The following ZDHHC9 variants were observed in gnomAD, a reference collection of about 807,000 sequenced individuals.
ZDHHC9 encodes the protein palmitoyltransferase ZDHHC9.
A neutral mutation model predicts 26.6 loss-of-function variants in ZDHHC9; 3 were observed. The observed-to-expected ratio is 0.11, with a 90% CI of 0.05 to 0.29. ZDHHC9 has a LOEUF of 0.29. ZDHHC9 is among the 10% of genes least tolerant of loss of function. ZDHHC9 has a pLI of 1.00. For missense variants in ZDHHC9, 146 were observed against 296.4 expected (o/e 0.49, Z 3.73); for synonymous variants, 111 against 109.4 (o/e 1.01, Z -0.09).
chrX:129,809,118 G>A (rs750256593), intron 10 of ZDHHC9, among the ~76,000 whole-genome samples: 5 of 111,755 alleles, frequency 4.5e-5, no homozygotes, highest in East Asian at 2.8e-4. Flanking sequence ...TGCTAGTGGG[G>A]GTATAAAATG....
chrX:129,827,977 C>T (rs1928058833), intron 4 of ZDHHC9, among the ~76,000 whole-genome samples: 2 of 111,088 alleles, frequency 1.8e-5, no homozygotes, highest in Non-Finnish European at 3.8e-5. Flanking sequence ...CCACCATGCC[C>T]GGCTAATTTT....
At position 129,823,805 on chromosome X, in the gene ZDHHC9, G is replaced by A; in HGVS notation, c.361C>T (p.Arg121Ter). The A allele has an allele frequency of 8.3e-7, 1 of 1,210,505 alleles. No individual in the cohort carries two copies. The highest frequency in any genetic ancestry group is 1.1e-6 in the Non-Finnish European group (1 of 894,918). Residue 121 changes from arginine to a stop codon, truncating the protein, a stop_gained, in exon 5 of 11, where the codon CGA becomes TGA. Coordinates refer to ENST00000357166, the MANE Select transcript of ZDHHC9 (RefSeq NM_016032.4). LOFTEE classifies it high-confidence loss of function. ...AAATTCTTGATACGAGGCGGTGGTC[G>A]CTGGCCCTGGGGCACCGCACCATTG... ...ATNGAVPQGQRPPPRIKNFQI... is the reference protein window; with the variant it reads ...ATNGAVPQGQ
chrX:129,834,210 G>T (rs1334623852), intron 3 of ZDHHC9, among the ~76,000 whole-genome samples: 1 of 111,541 alleles, frequency 9.0e-6, no homozygotes, highest in Non-Finnish European at 1.9e-5. Flanking sequence ...AAACCTGCAG[G>T]CATCTTGATC....
chrX:129,843,637 G>A (rs1448480478), intron 1 of ZDHHC9, 59 bp downstream of exon 1: 3 of 111,781 alleles, frequency 2.7e-5, no homozygotes, highest in African/African-American at 6.5e-5. Flanking sequence ...CGCCGCGGAA[G>A]GGGAGGCAGC....
chrX:129,829,491 T>A (rs1286480314), intron 3 of ZDHHC9, among the ~76,000 whole-genome samples: 2 of 112,053 alleles, frequency 1.8e-5, no homozygotes, highest in Non-Finnish European at 3.8e-5. Context: ...CCTGGATTTC[T>A]AAGCAACACA....
In ZDHHC9 at chrX:129,823,822, G is replaced by A. The variant is rs1413588337; in HGVS notation, c.344C>T (p.Ala115Val). Residue 115 changes from alanine (A) to valine (V), a missense_variant, in exon 5 of 11, where the codon GCG becomes GTG. Coordinates refer to ENST00000357166, the MANE Select transcript of ZDHHC9 (RefSeq NM_016032.4). ...CGGTGGTCGCTGGCCCTGGGGCACC[G>A]CACCATTGGTAGCTTCTGTAAATCA... Reference protein sequence around the residue: ...IEMEIEATNGAVPQGQRPPPR... With the variant: ...IEMEIEATNGVVPQGQRPPPR... 16 of 1,208,555 alleles carry A rather than the reference G, an allele frequency of 1.3e-5. No homozygotes were observed. The highest frequency in any genetic ancestry group is 1.8e-5 in the Non-Finnish European group (16 of 894,832).
At chrX:129,807,969 C>A (rs1477590672) in intron 10 of ZDHHC9, among the ~76,000 whole-genome samples, 1 of 112,298 alleles carries the variant, frequency 8.9e-6, no homozygotes, top group Non-Finnish European at 1.9e-5. Context: ...ATTTCACTTA[C>A]AATAACATGA....
At chrX:129,830,570 A>G (rs749203183) in intron 3 of ZDHHC9, among the ~76,000 whole-genome samples, 1 of 111,751 alleles carries the variant, frequency 8.9e-6, no homozygotes, top group Non-Finnish European at 1.9e-5. Flanking sequence ...GTTATCGCTG[A>G]CCTATTTTTA....
At chrX:129,826,398 T>C (rs1928018077) in intron 4 of ZDHHC9, among the ~76,000 whole-genome samples, 1 of 111,447 alleles carries the variant, frequency 9.0e-6, no homozygotes, top group East Asian at 2.8e-4. Flanking sequence ...AAAAACTTGC[T>C]AACATAAACA....
intron 7 of ZDHHC9, among the ~76,000 whole-genome samples, chrX:129,813,197 G>C (rs747288172): frequency 8.9e-6 from 1 of 111,945 alleles, no homozygotes; most frequent in South Asian, 3.7e-4. Flanking sequence ...AGGAGTTCGA[G>C]AACAGCCTGG....
At chrX:129,817,388 G>A (rs1345383070) in intron 5 of ZDHHC9, among the ~76,000 whole-genome samples, 1 of 110,119 alleles carries the variant, frequency 9.1e-6, no homozygotes, top group East Asian at 2.9e-4. Flanking sequence ...GGAGGCGGAG[G>A]TTGCAGTGAG....
At chrX:129,823,646 T>C (rs200361019) in intron 5 of ZDHHC9, 33 bp downstream of exon 5, 1 of 1,209,250 alleles carries the variant, frequency 8.3e-7, no homozygotes, top group Non-Finnish European at 1.1e-6. Context: ...ACTCAGCCTT[T>C]TCCCTAGGCA....
chrX:129,813,369 GA>G (rs1403521676), intron 7 of ZDHHC9, among the ~76,000 whole-genome samples: 2 of 111,625 alleles, frequency 1.8e-5, no homozygotes, highest in East Asian at 5.6e-4. Context: ...CTCAAAAAAA[GA>G]AAATTCATAA....
intron 3 of ZDHHC9, 150 bp from the exon 4 acceptor site, chrX:129,829,291 C>G (rs1602957669): frequency 1.5e-6 from 1 of 652,160 alleles, no homozygotes; most frequent in East Asian, 3.5e-5. Context: ...CCCCAAACCC[C>G]TAACATATGG....
chrX:129,823,380 A>G, intron 5 of ZDHHC9: 1 of 310,135 alleles, frequency 3.2e-6, no homozygotes, highest in East Asian at 6.3e-5. Flanking sequence ...TGGGTCCCAC[A>G]TGAAAATCCA....
At chrX:129,838,906 G>A (rs1928318732) in intron 3 of ZDHHC9, among the ~76,000 whole-genome samples, 1 of 111,962 alleles carries the variant, frequency 8.9e-6, no homozygotes, top group South Asian at 3.7e-4. Context: ...TCATTAAGGG[G>A]CACCCACATG....
chrX:129,840,434 C>T (rs1928354432), intron 3 of ZDHHC9, among the ~76,000 whole-genome samples: 1 of 111,450 alleles, frequency 9.0e-6, no homozygotes. Flanking sequence ...ATTTTTAATG[C>T]TAGGGGCTTA....
chrX:129,826,816 C>T (rs1310534233), intron 4 of ZDHHC9, among the ~76,000 whole-genome samples: 1 of 110,775 alleles, frequency 9.0e-6, no homozygotes, highest in Non-Finnish European at 1.9e-5. Context: ...ACCCATTTCT[C>T]CTTAGCTCAA....
intron 3 of ZDHHC9, among the ~76,000 whole-genome samples, chrX:129,838,498 C>G (rs1928309094): frequency 9.0e-6 from 1 of 110,680 alleles, no homozygotes; most frequent in African/African-American, 3.3e-5. Context: ...ATGGTGAAAC[C>G]CTGTCTCTAC....
Sources: allele counts gnomAD v4.1 joint callset (sites outside exome capture counted in the v4.1 genomes callset), GRCh38; gene constraint gnomAD v4.1.1; transcripts MANE v1.5; gene names NCBI Gene and HGNC (gene_info 2026-07-23, HGNC 2026-07-21).